Variants in CSGALNACT1 observed in about 807,000 individuals in gnomAD.
CSGALNACT1 encodes beta4GalNAcT-1.
A neutral mutation model predicts 51.0 loss-of-function variants in CSGALNACT1; 52 were observed. The ratio of observed to expected loss-of-function variants is 1.02; its 90% CI spans 0.82 to 1.29. CSGALNACT1 has a LOEUF of 1.29. CSGALNACT1 is among the 50% of genes most tolerant of loss of function. The pLI, the probability that CSGALNACT1 is intolerant of heterozygous loss-of-function variation, is 0.00. For synonymous variants in CSGALNACT1, 341 were observed against 254.4 expected (o/e 1.34, Z -3.24); for missense variants, 935 against 679.2 (o/e 1.38, Z -4.19).
chr8:19,532,927 C>T (rs1157018747), intron 3 of CSGALNACT1, among the ~76,000 whole-genome samples: 2 of 152,152 alleles, frequency 1.3e-5, no homozygotes, highest in East Asian at 3.9e-4. Flanking sequence ...TGCCATACAT[C>T]CCATCCGATC....
intron 6 of CSGALNACT1, among the ~76,000 whole-genome samples, chr8:19,438,764 C>T (rs893539385): frequency 2.0e-5 from 3 of 152,116 alleles, no homozygotes; most frequent in Non-Finnish European, 2.9e-5. Flanking sequence ...AAAATTTGGC[C>T]AGTGGGCTGT....
In CSGALNACT1 at chr8:19,457,567, C is replaced by A. The variant is rs190786741; in HGVS notation, c.851+859G>T. Reference sequence around the variant, plus strand: ...GGTGAAGGTTGCAGTGAGCAGAGTTCGTGCCACTGCACTCCAGCCTGGGTG... The same window carrying A: ...GGTGAAGGTTGCAGTGAGCAGAGTTAGTGCCACTGCACTCCAGCCTGGGTG... On this transcript the variant is annotated intron_variant, in intron 5 of 9. Coordinates refer to ENST00000454498, the Ensembl canonical transcript of CSGALNACT1. 9.4e-4 allele frequency: 709 copies of A among 750,272 alleles called. 3 individuals carry two copies. In the Middle Eastern group the frequency reaches 0.014, roughly 15 times the overall value. The allele number at this position is 750,272 out of a possible 1,614,324, so 46.5% of individuals were successfully genotyped here. A position where few individuals can be genotyped will look rare whatever the true frequency, so the allele number is the denominator to read the frequency against.
chr8:19,573,217 C>A (rs943308687), intron 3 of CSGALNACT1, among the ~76,000 whole-genome samples: 1 of 152,138 alleles, frequency 6.6e-6, no homozygotes, highest in African/African-American at 2.4e-5. Context: ...TAGCCCTTAC[C>A]CACTTCTTCA....
At chr8:19,441,704 C>A (rs1412875898) in intron 5 of CSGALNACT1, among the ~76,000 whole-genome samples, 1 of 152,160 alleles carries the variant, frequency 6.6e-6, no homozygotes, top group Admixed American at 6.5e-5. Context: ...GCAACAAAAG[C>A]CAAAATTGAC....
chr8:19,660,895 G>A (rs190469018), intron 1 of CSGALNACT1, among the ~76,000 whole-genome samples: 3 of 152,086 alleles, frequency 2.0e-5, no homozygotes, highest in Admixed American at 6.6e-5. Context: ...CACAAGGACC[G>A]TTCAGGTTTG....
chr8:19,620,727 CCCAA>C (rs1182620941), intron 1 of CSGALNACT1, among the ~76,000 whole-genome samples: 1 of 152,154 alleles, frequency 6.6e-6, no homozygotes, highest in African/African-American at 2.4e-5. Context: ...AGCCACCATG[CCCAA>C]CCCCTTTTTT....
At chr8:19,440,726 G>C (rs1306065505) in intron 5 of CSGALNACT1, among the ~76,000 whole-genome samples, 1 of 151,690 alleles carries the variant, frequency 6.6e-6, no homozygotes, top group Non-Finnish European at 1.5e-5. Context: ...AGGGCAATTA[G>C]GCAGGAGAAG....
chr8:19,439,794 C>A, intron 6 of CSGALNACT1, 36 bp downstream of exon 5: 1 of 1,522,828 alleles, frequency 6.6e-7, no homozygotes. Flanking sequence ...AGCTCAGTTA[C>A]CAGGATTCCT....
At chr8:19,694,615 C>T (rs111264535) in intron 1 of CSGALNACT1, among the ~76,000 whole-genome samples, 4 of 152,300 alleles carry the variant, frequency 2.6e-5, no homozygotes, top group African/African-American at 9.6e-5. Context: ...TTTGGAAATA[C>T]TCAGTTAGTG....
intron 4 of CSGALNACT1, among the ~76,000 whole-genome samples, chr8:19,494,828 C>G (rs77540963): frequency 0.18 from 25,354 of 143,314 alleles, 2,453 homozygotes; most frequent in African/African-American, 0.27. Flanking sequence ...AACACTCCAA[C>G]GTTAGAAAGT....
At chr8:19,426,565 A>G (rs1245701752) in intron 6 of CSGALNACT1, among the ~76,000 whole-genome samples, 2 of 152,220 alleles carry the variant, frequency 1.3e-5, no homozygotes, top group Non-Finnish European at 2.9e-5. Context: ...CTGAACGTGC[A>G]GTTCCACTAA....
chr8:19,619,683 T>C (rs1223922006), intron 1 of CSGALNACT1, among the ~76,000 whole-genome samples: 1 of 152,202 alleles, frequency 6.6e-6, no homozygotes, highest in Non-Finnish European at 1.5e-5. Flanking sequence ...TTTCTTCTTG[T>C]TCAAAACACA....
At chr8:19,741,276 G>C (rs1221664155) in intron 1 of CSGALNACT1, among the ~76,000 whole-genome samples, 2 of 152,162 alleles carry the variant, frequency 1.3e-5, no homozygotes, top group African/African-American at 2.4e-5. Flanking sequence ...GGTGAAAAGG[G>C]AGTCTTAGCC....
intron 6 of CSGALNACT1, among the ~76,000 whole-genome samples, chr8:19,435,989 T>C (rs1247662222): frequency 6.6e-6 from 1 of 152,158 alleles, no homozygotes; most frequent in Non-Finnish European, 1.5e-5. Context: ...CTTCACTTTT[T>C]AAAAATTGGA....
intron 6 of CSGALNACT1, among the ~76,000 whole-genome samples, chr8:19,428,299 C>T (rs909515918): frequency 1.4e-4 from 21 of 152,154 alleles, no homozygotes; most frequent in Non-Finnish European, 2.1e-4. Context: ...GTTTAATTGC[C>T]TCACAGTTCC....
intron 1 of CSGALNACT1, among the ~76,000 whole-genome samples, chr8:19,620,040 T>C (rs538783563): frequency 2.0e-5 from 3 of 152,180 alleles, no homozygotes; most frequent in East Asian, 1.9e-4. Context: ...AGGCTGGGCA[T>C]AGTGGCTCAC....
chr8:19,651,019 T>C (rs113286603), intron 1 of CSGALNACT1, among the ~76,000 whole-genome samples: 10 of 152,276 alleles, frequency 6.6e-5, no homozygotes, highest in African/African-American at 2.2e-4. Flanking sequence ...GAGATTAGCA[T>C]GGAGGTGCGG....
At chr8:19,666,923 GAGAGAC>G (rs1420228309) in intron 1 of CSGALNACT1, among the ~76,000 whole-genome samples, 2 of 132,406 alleles carry the variant, frequency 1.5e-5, no homozygotes, top group African/African-American at 6.1e-5. Context: ...GGGAGGAAGG[GAGAGAC>G]AGAGAGAGAG....
intron 2 of CSGALNACT1, among the ~76,000 whole-genome samples, chr8:19,599,454 A>AAAG (rs2049779900): frequency 1.1e-3 from 133 of 123,838 alleles, no homozygotes; most frequent in African/African-American, 4.3e-3. Context: ...AAAGAAAAAG[A>AAAG]AAAGAAAGAA....
Sources: allele counts gnomAD v4.1 joint callset (sites outside exome capture counted in the v4.1 genomes callset), GRCh38; gene constraint gnomAD v4.1.1; transcripts MANE v1.5; gene names NCBI Gene and HGNC (gene_info 2026-07-23, HGNC 2026-07-21).